Variants in ENOX1 observed in about 807,000 individuals in gnomAD.
ENOX1 encodes the protein ecto-NOX disulfide-thiol exchanger 1, also known as candidate growth-related and time keeping constitutive hydroquinone (NADH) oxidase.
In ENOX1, 42 loss-of-function variants were observed where a neutral mutation model predicts 82.5. That is an observed-to-expected ratio of 0.51 (90% confidence interval 0.40 to 0.66). The LOEUF (loss-of-function observed/expected upper bound fraction) is 0.66. Among genes scored for constraint, ENOX1 ranks in the 30% least tolerant of loss-of-function variants. ENOX1 has a pLI of 0.00. For missense variants in ENOX1, 608 were observed against 811.6 expected (o/e 0.75, Z 3.05); for synonymous variants, 271 against 282.2 (o/e 0.96, Z 0.40).
rs1363839840 is a variant in ENOX1 at position 43,460,828 on chromosome 13, AAAT to A, written c.-75+23178_-75+23180del. The stretch of plus-strand genomic sequence containing the variant: ...AAAAAAAAAAAAAAAAAAAAAAAAA[AAAT>A]AGGGATAGCTCTCTACAAACCAAGG... On this transcript the variant is annotated intron_variant, in intron 3 of 16. Coordinates refer to ENST00000690772, the MANE Select transcript of ENOX1 (RefSeq NM_001347969.2). Among the ~76,000 whole-genome samples, 18 of 20,504 alleles carry A rather than the reference AAAT, an allele frequency of 8.8e-4. 3 individuals are homozygous for A. The highest frequency in any genetic ancestry group is 1.6e-3 in the Non-Finnish European group (14 of 8,818). The allele number at this position is 20,504 out of a possible 152,430, so 13.5% of individuals were successfully genotyped here. A position where few individuals can be genotyped will look rare whatever the true frequency, so the allele number is the denominator to read the frequency against.
At chr13:43,646,901 A>G (rs2083919743) in intron 2 of ENOX1, among the ~76,000 whole-genome samples, 1 of 152,238 alleles carries the variant, frequency 6.6e-6, no homozygotes, top group Admixed American at 6.5e-5. Context: ...GCAGACAAGC[A>G]AAATTTCTAT....
At chr13:43,619,233 T>C (rs1463910615) in intron 2 of ENOX1, among the ~76,000 whole-genome samples, 1 of 152,118 alleles carries the variant, frequency 6.6e-6, no homozygotes, top group Non-Finnish European at 1.5e-5. Context: ...CCTTTATTTC[T>C]TTCTCTTGTC....
At chr13:43,402,866 T>A (rs1234629493) in intron 5 of ENOX1, among the ~76,000 whole-genome samples, 1 of 152,160 alleles carries the variant, frequency 6.6e-6, no homozygotes, top group Non-Finnish European at 1.5e-5. Context: ...TACTCTCTGC[T>A]GAATTAGAAT....
chr13:43,622,379 G>C (rs557497166), intron 2 of ENOX1, among the ~76,000 whole-genome samples: 1 of 152,348 alleles, frequency 6.6e-6, no homozygotes, highest in African/African-American at 2.4e-5. Flanking sequence ...GGTAGGCTCT[G>C]TCAGAGGGAA....
At chr13:43,443,153 T>C (rs1267973605) in intron 3 of ENOX1, among the ~76,000 whole-genome samples, 3 of 152,150 alleles carry the variant, frequency 2.0e-5, no homozygotes, top group African/African-American at 4.8e-5. Context: ...AACACATACT[T>C]TTATTTACAG....
At chr13:43,754,044 A>G in intron 1 of ENOX1, among the ~76,000 whole-genome samples, 1 of 47,938 alleles carries the variant, frequency 2.1e-5, no homozygotes, top group African/African-American at 3.7e-5. Context: ...ATGTATATAA[A>G]TACACATATA....
At chr13:43,505,189 T>C (rs996306824) in intron 2 of ENOX1, among the ~76,000 whole-genome samples, 5 of 151,920 alleles carry the variant, frequency 3.3e-5, no homozygotes, top group African/African-American at 1.2e-4. Context: ...TCACATCAAC[T>C]TATTCCATGC....
At chr13:43,551,269 T>G (rs531934408) in intron 2 of ENOX1, among the ~76,000 whole-genome samples, 1 of 152,188 alleles carries the variant, frequency 6.6e-6, no homozygotes, top group African/African-American at 2.4e-5. Flanking sequence ...GATAATTTAT[T>G]TTCTAAAAAT....
At chr13:43,383,842 C>A (rs1214461976) in intron 5 of ENOX1, among the ~76,000 whole-genome samples, 1 of 152,220 alleles carries the variant, frequency 6.6e-6, no homozygotes, top group Non-Finnish European at 1.5e-5. Context: ...CTTTCTCCTT[C>A]TGGACACCAC....
intron 14 of ENOX1, among the ~76,000 whole-genome samples, chr13:43,239,362 G>A (rs2042705686): frequency 6.6e-6 from 1 of 152,170 alleles, no homozygotes; most frequent in Admixed American, 6.5e-5. Flanking sequence ...TTTTGTCCAG[G>A]TTGGAGATGG....
intron 1 of ENOX1, among the ~76,000 whole-genome samples, chr13:43,669,187 G>C (rs1169496038): frequency 6.6e-6 from 1 of 152,176 alleles, no homozygotes; most frequent in African/African-American, 2.4e-5. Flanking sequence ...GGACCATAAA[G>C]AGAATCACAT....
rs1850589400 is a variant in ENOX1 at position 43,786,929 on chromosome 13, G to A, written c.-562C>T. ...TCTGCTGAGGGGCGCTGGAGACTCCGCGGCTGGAGGCGCGCGGGCGTGCGC... is the reference window on the plus strand; with the variant it reads ...TCTGCTGAGGGGCGCTGGAGACTCCACGGCTGGAGGCGCGCGGGCGTGCGC... On this transcript the variant is annotated 5_prime_UTR_variant, in exon 1 of 17. Transcript: ENST00000690772. The surrounding 1 kb of genome is among the most constrained non-coding windows in gnomAD (Gnocchi z 6.0). 2 of 151,576 alleles carry A rather than the reference G, an allele frequency of 1.3e-5. No individual in the cohort carries two copies. The highest frequency in any genetic ancestry group is 4.2e-4 in the South Asian group (2 of 4,818). The allele number at this position is 151,576 out of a possible 1,614,324, so 9.4% of individuals were successfully genotyped here. A position where few individuals can be genotyped will look rare whatever the true frequency, so the allele number is the denominator to read the frequency against.
At chr13:43,604,693 CAAGTTTATAAGATCTG>C (rs2081901229) in intron 2 of ENOX1, among the ~76,000 whole-genome samples, 1 of 152,108 alleles carries the variant, frequency 6.6e-6, no homozygotes, top group Non-Finnish European at 1.5e-5. Flanking sequence ...GATGAATGAT[CAAGTTTATAAGATCTG>C]GAACATGACA....
At chr13:43,370,095 C>T (rs9533466) in intron 5 of ENOX1, among the ~76,000 whole-genome samples, 58,586 of 152,116 alleles carry the variant, frequency 0.39, 13,242 homozygotes, top group Middle Eastern at 0.52. Context: ...GGGCCGGGCG[C>T]GGTGGCTCAT....
chr13:43,657,235 T>G lies in ENOX1; in HGVS notation c.-219+10244A>C, dbSNP rs374170059. ...AACATTAGTATGTATTTAAACCAAT[T>G]TATTCATAATATAGTCTCAACTGTT... On this transcript the variant is annotated intron_variant, in intron 2 of 16. Transcript: ENST00000690772. 2.1e-4 allele frequency among the ~76,000 whole-genome samples: 32 copies of G among 152,308 alleles called. No homozygotes were observed. In the East Asian group the frequency reaches 5.4e-3, roughly 26 times the overall value.
chr13:43,761,916 T>C (rs1215035450), intron 1 of ENOX1, among the ~76,000 whole-genome samples: 2 of 152,202 alleles, frequency 1.3e-5, no homozygotes, highest in Admixed American at 6.5e-5. Flanking sequence ...TCTAGGGTCA[T>C]GCTGCCTCCT....
At chr13:43,363,835 T>C (rs991771879) in intron 5 of ENOX1, among the ~76,000 whole-genome samples, 1 of 152,226 alleles carries the variant, frequency 6.6e-6, no homozygotes, top group African/African-American at 2.4e-5. Context: ...TAAATATATG[T>C]CCAGAAATGG....
At chr13:43,310,401 G>T (rs1165013952) in intron 11 of ENOX1, among the ~76,000 whole-genome samples, 1 of 151,750 alleles carries the variant, frequency 6.6e-6, no homozygotes, top group Non-Finnish European at 1.5e-5. Context: ...CATATTCAAT[G>T]ATTTTTTTAA....
At chr13:43,699,078 A>G (rs1010404219) in intron 1 of ENOX1, among the ~76,000 whole-genome samples, 9 of 152,204 alleles carry the variant, frequency 5.9e-5, no homozygotes, top group Admixed American at 1.3e-4. Flanking sequence ...AGATACTGGG[A>G]CAAACACTGC....
Sources: gnomAD v4.1 joint callset for allele counts (sites outside exome capture counted in the v4.1 genomes callset) on GRCh38, gnomAD v4.1.1 for gene constraint, Gnocchi (gnomAD v3.1) non-coding constraint, MANE v1.5 for transcripts, NCBI Gene and HGNC (gene_info 2026-07-23, HGNC 2026-07-21) for gene names.